The following PLAC1 variants were observed in gnomAD, a reference collection of about 807,000 sequenced individuals.
PLAC1 encodes placenta-specific protein 1.
For synonymous variants in PLAC1, 68 were observed against 62.1 expected, an observed-to-expected ratio of 1.09 and a Z score of -0.44; for missense variants, 136 against 163.2, an observed-to-expected ratio of 0.83 and a Z score of 0.91.
At chrX:134,657,767 G>T (rs2078399249) in intron 1 of PLAC1, among the ~76,000 whole-genome samples, 2 of 110,700 alleles carry the variant, frequency 1.8e-5, no homozygotes, top group Non-Finnish European at 3.8e-5. Flanking sequence ...TGGATTTAGG[G>T]TCCCTGTCTC....
intron 2 of PLAC1, among the ~76,000 whole-genome samples, chrX:134,582,419 T>A (rs1444691273): frequency 8.9e-6 from 1 of 112,309 alleles, no homozygotes; most frequent in African/African-American, 3.2e-5. Context: ...AGATTTTGTA[T>A]GTGGGAGATT....
chrX:134,665,091 TG>T (rs2078431838), intron 2 of PLAC1, among the ~76,000 whole-genome samples: 3 of 109,979 alleles, frequency 2.7e-5, no homozygotes, highest in Non-Finnish European at 3.8e-5. Flanking sequence ...TGTGTGTGTG[TG>T]TGTATGTGAG....
intron 2 of PLAC1, among the ~76,000 whole-genome samples, chrX:134,590,303 C>A (rs1354465762): frequency 9.0e-6 from 1 of 111,511 alleles, no homozygotes; most frequent in Non-Finnish European, 1.9e-5. Flanking sequence ...GGTCTTATTA[C>A]CTGGCTTCAT....
chrX:134,716,268 C>G (rs1456056456), intron 2 of PLAC1, among the ~76,000 whole-genome samples: 1 of 112,261 alleles, frequency 8.9e-6, no homozygotes, highest in African/African-American at 3.2e-5. Flanking sequence ...GGGTTCCTTG[C>G]GGGGAGCCAC....
rs370360347 is a variant in PLAC1, at chrX:134,616,963, CCTTTCTTTTCTTT to C, written c.-130-14854_-130-14842del. On this transcript the variant is annotated intron_variant, in intron 1 of 2. Coordinates refer to ENST00000359237, the MANE Select transcript of PLAC1 (RefSeq NM_021796.4). Reference sequence around the variant, plus strand: ...CTACAAAGGCATAATTTTACTTCTTCCTTTCTTTTCTTTCTTTCTTTTTTTTTTTGGTGGGGGG... The same window carrying C: ...CTACAAAGGCATAATTTTACTTCTTCCTTTCTTTTTTTTTTTGGTGGGGGG... Among the ~76,000 whole-genome samples, 479 of 106,287 alleles carry C rather than the reference CCTTTCTTTTCTTT, an allele frequency of 4.5e-3. 2 individuals are homozygous for C. Among genetic ancestry groups the C allele is most frequent in the African/African-American group, 0.016 (458 of 29,434 alleles). 92.3% of individuals were successfully genotyped at this position (106,287 alleles called of 115,157 possible). A position where few individuals can be genotyped will look rare whatever the true frequency, so the allele number is the denominator to read the frequency against.
intron 2 of PLAC1, among the ~76,000 whole-genome samples, chrX:134,570,371 G>A (rs187991537): frequency 1.6e-4 from 18 of 111,319 alleles, no homozygotes; most frequent in Admixed American, 1.5e-3. Flanking sequence ...GCCATCATGC[G>A]GGCCATGCAC....
At chrX:134,582,560 G>A (rs1195008703) in intron 2 of PLAC1, among the ~76,000 whole-genome samples, 2 of 111,961 alleles carry the variant, frequency 1.8e-5, no homozygotes, top group African/African-American at 6.5e-5. Context: ...AAGGGCTTAT[G>A]GTTTTGCTGA....
intron 1 of PLAC1, among the ~76,000 whole-genome samples, chrX:134,626,405 C>G (rs918123588): frequency 4.4e-5 from 5 of 112,416 alleles, no homozygotes; most frequent in African/African-American, 1.3e-4. Context: ...AAATATTTGT[C>G]AAGTGAATGA....
chrX:134,668,652 G>A (rs886199787), intron 2 of PLAC1, among the ~76,000 whole-genome samples: 4 of 112,743 alleles, frequency 3.5e-5, no homozygotes, highest in Non-Finnish European at 7.5e-5. Flanking sequence ...GTCTAAATCC[G>A]GCCATAATGG....
chrX:134,720,823 A>AT (rs945144039), intron 2 of PLAC1, among the ~76,000 whole-genome samples: 2 of 111,569 alleles, frequency 1.8e-5, no homozygotes, highest in African/African-American at 6.5e-5. Flanking sequence ...ACCCAGCTGA[A>AT]TTTTTTTTAT....
At chrX:134,594,687 G>C (rs1270000585) in intron 2 of PLAC1, among the ~76,000 whole-genome samples, 1 of 110,414 alleles carries the variant, frequency 9.1e-6, no homozygotes, top group East Asian at 2.8e-4. Context: ...ATGTCTGCAG[G>C]GTTTGTAGTA....
chrX:134,702,784 C>T (rs777251131), intron 2 of PLAC1, among the ~76,000 whole-genome samples: 2 of 112,109 alleles, frequency 1.8e-5, no homozygotes, highest in African/African-American at 3.2e-5. Flanking sequence ...TGTGAATGCT[C>T]GAAGCTAGTA....
Position 134,750,857 on chromosome X carries a change from A to T in PLAC1, n.89+13377T>A, listed in dbSNP as rs1171848007. Among the ~76,000 whole-genome samples the T allele has an allele frequency of 8.5e-5, 2 of 23,445 alleles. 1 individual carries two copies. The highest frequency in any genetic ancestry group is 1.5e-3 in the Admixed American group (2 of 1,309). The allele number at this position is 23,445 out of a possible 115,157, so 20.4% of individuals were successfully genotyped here. On this transcript the variant is annotated intron_variant and non_coding_transcript_variant, in intron 1 of 2. Transcript: ENST00000466797. ...TATTTATATATATATTTATATATAT[A>T]TATTTTTATATATATATATTTATAA...
intron 2 of PLAC1, among the ~76,000 whole-genome samples, chrX:134,587,801 G>A (rs758894167): frequency 8.9e-6 from 1 of 111,785 alleles, no homozygotes; most frequent in East Asian, 2.8e-4. Context: ...CCTCTGCCGT[G>A]GCTCGCAGGC....
intron 2 of PLAC1, among the ~76,000 whole-genome samples, chrX:134,696,391 C>T (rs555409255): frequency 3.6e-5 from 4 of 111,672 alleles, no homozygotes; most frequent in South Asian, 7.4e-4. Context: ...CAAACACATA[C>T]GTGGAATCCC....
intron 2 of PLAC1, among the ~76,000 whole-genome samples, chrX:134,707,370 AG>A (rs1457780431): frequency 2.7e-5 from 3 of 112,490 alleles, no homozygotes; most frequent in Admixed American, 9.4e-5. Context: ...TTTGTTACAT[AG>A]GTATACATGT....
intron 2 of PLAC1, among the ~76,000 whole-genome samples, chrX:134,598,009 T>A (rs113195967): frequency 0.054 from 6,023 of 111,569 alleles, 411 homozygotes; most frequent in African/African-American, 0.19. Context: ...TCTCTCCACC[T>A]TTCTTGGTTG....
chrX:134,575,081 A>G (rs775286150), intron 2 of PLAC1, among the ~76,000 whole-genome samples: 7 of 110,984 alleles, frequency 6.3e-5, no homozygotes, highest in African/African-American at 1.3e-4. Context: ...CCCTACCCCA[A>G]CTTGACCCTT....
intron 2 of PLAC1, among the ~76,000 whole-genome samples, chrX:134,694,842 T>C (rs1325643917): frequency 8.9e-6 from 1 of 111,914 alleles, no homozygotes; most frequent in Non-Finnish European, 1.9e-5. Context: ...AAATGTGAGA[T>C]TGTTTGCTAT....
Sources: allele counts gnomAD v4.1 joint callset (sites outside exome capture counted in the v4.1 genomes callset), GRCh38; gene constraint gnomAD v4.1.1; transcripts MANE v1.5; gene names NCBI Gene and HGNC (gene_info 2026-07-23, HGNC 2026-07-21).